RMP64: variants seen among roughly 807,000 people sequenced by gnomAD.
RMP64 encodes nucleolus and neural progenitor protein.
the RMP64 span, chr3:113,004,143 G>A: frequency 6.6e-6 from 1 of 152,170 alleles, no homozygotes; most frequent in South Asian, 2.1e-4. Context: ...CTACCACTTG[G>A]TAGAAAGCCA....
the RMP64 span, among the ~76,000 whole-genome samples, chr3:113,007,306 T>A: frequency 0.84 from 128,078 of 152,058 alleles, 54,125 homozygotes; most frequent in African/African-American, 0.87. Context: ...ACTGTATACT[T>A]TTTTTTTTCT....
At chr3:113,019,495 G>T in the RMP64 span, 1 of 1,485,122 alleles carries the variant, frequency 6.7e-7, no homozygotes, top group Non-Finnish European at 9.3e-7. Flanking sequence ...GGGCCTGGCG[G>T]CCTCCCCCGG....
At chr3:113,005,641 A>AT in the RMP64 span, 1 of 1,613,682 alleles carries the variant, frequency 6.2e-7, no homozygotes, top group Non-Finnish European at 8.5e-7. Flanking sequence ...AATCAGTTTC[A>AT]TTTTCATGGA....
the RMP64 span, chr3:113,019,501 C>T: frequency 6.6e-7 from 1 of 1,526,056 alleles, no homozygotes; most frequent in Non-Finnish European, 9.0e-7. Context: ...GGCGGCCTCC[C>T]CCGGAAACGT....
At chr3:113,013,072 C>T in the RMP64 span, 804 of 633,412 alleles carry the variant, frequency 1.3e-3, 5 homozygotes, top group Non-Finnish European at 1.9e-3. Context: ...TAGGATAATA[C>T]GTGCTGAACA....
chr3:113,013,548 A>G, the RMP64 span: 2 of 729,778 alleles, frequency 2.7e-6, no homozygotes, highest in Admixed American at 3.1e-5. Flanking sequence ...AAGGTATGGC[A>G]GAAGAAGCAC....
At chr3:113,016,119 G>A in the RMP64 span, among the ~76,000 whole-genome samples, 2 of 152,002 alleles carry the variant, frequency 1.3e-5, no homozygotes, top group Non-Finnish European at 1.5e-5. Flanking sequence ...CTATCTGAAC[G>A]CAAGAGAGAA....
At chr3:113,008,456 T>C in the RMP64 span, 2 of 1,583,256 alleles carry the variant, frequency 1.3e-6, no homozygotes, top group African/African-American at 2.7e-5. Context: ...ATGAGAAAAA[T>C]ATATTGGACA....
At chr3:113,013,457 T>G in the RMP64 span, 14 of 1,291,132 alleles carry the variant, frequency 1.1e-5, no homozygotes, top group Non-Finnish European at 1.2e-5. Context: ...AAGGGTTTTT[T>G]TTTTGTTTTT....
At chr3:113,012,434 G>A in the RMP64 span, 1 of 248,532 alleles carries the variant, frequency 4.0e-6, no homozygotes, top group Non-Finnish European at 7.6e-6. Flanking sequence ...AAAGCCCACT[G>A]ATGTTTCACT....
chr3:113,013,185 G>T, the RMP64 span: 1 of 1,398,764 alleles, frequency 7.1e-7, no homozygotes, highest in Non-Finnish European at 1.0e-6. Flanking sequence ...CTCCTATGGA[G>T]TGTTAGCTTT....
chr3:113,012,900 A>T, the RMP64 span: 2 of 822,634 alleles, frequency 2.4e-6, no homozygotes, highest in South Asian at 2.9e-5. Flanking sequence ...TATTGGAAGT[A>T]AAGAGAATTT....
the RMP64 span, chr3:113,019,464 C>T: frequency 1.2e-5 from 15 of 1,229,204 alleles, no homozygotes; most frequent in Non-Finnish European, 1.5e-5. Flanking sequence ...CCGGTACCAC[C>T]CCCGCCCACA....
the RMP64 span, chr3:113,012,845 A>C: frequency 8.0e-7 from 1 of 1,245,696 alleles, no homozygotes; most frequent in South Asian, 1.2e-5. Context: ...AAACAAAATC[A>C]AAGTAATGTG....
At chr3:113,005,839 C>T in the RMP64 span, 1 of 1,613,868 alleles carries the variant, frequency 6.2e-7, no homozygotes, top group Non-Finnish European at 8.5e-7. Flanking sequence ...GCTGAATTTC[C>T]CTTAAAAGAG....
chr3:113,006,129 T>C, the RMP64 span: 6 of 685,038 alleles, frequency 8.8e-6, no homozygotes, highest in Admixed American at 1.2e-4. Context: ...CTGTGTACAA[T>C]CCCAGAACCA....
At chr3:113,012,751 C>T in the RMP64 span, 1 of 1,600,920 alleles carries the variant, frequency 6.2e-7, no homozygotes, top group East Asian at 2.2e-5. Context: ...TGCTCACCAG[C>T]CCAACCATCA....
chr3:113,011,685 ATCAAAGT>A, the RMP64 span: 1 of 266,922 alleles, frequency 3.7e-6, no homozygotes, highest in African/African-American at 2.2e-5. Context: ...AAGGATGCAT[ATCAAAGT>A]TTTAAGTGTG....
chr3:113,008,982 C>T, the RMP64 span, among the ~76,000 whole-genome samples: 5 of 152,182 alleles, frequency 3.3e-5, no homozygotes, highest in Non-Finnish European at 7.3e-5. Context: ...TTGTTTTTCA[C>T]TTATTTCCGT....
Sources: allele counts gnomAD v4.1 joint callset (sites outside exome capture counted in the v4.1 genomes callset), GRCh38; gene constraint gnomAD v4.1.1; transcripts MANE v1.5; gene names NCBI Gene and HGNC (gene_info 2026-07-23, HGNC 2026-07-21).